Variants in CNOT2 observed in about 807,000 individuals in gnomAD.
CNOT2 encodes the protein CCR4-NOT transcription complex subunit 2.
CNOT2 carries 7 observed loss-of-function variants against 72.1 expected under a neutral mutation model. The ratio of observed to expected loss-of-function variants is 0.10; its 90% CI spans 0.06 to 0.18. The LOEUF (loss-of-function observed/expected upper bound fraction) is 0.18, where lower values mean the gene tolerates loss of function less well. Among genes scored for constraint, CNOT2 ranks in the 10% least tolerant of loss-of-function variants. The pLI is 1.00. For synonymous variants in CNOT2, 196 were observed against 225.6 expected (o/e 0.87, Z 1.17); for missense variants, 345 against 660.3 (o/e 0.52, Z 5.23).
intron 7 of CNOT2, 194 bp from the exon 8 acceptor site, chr12:70,335,244 T>C (rs1880517100): frequency 1.1e-5 from 5 of 461,720 alleles, no homozygotes; most frequent in Non-Finnish European, 2.0e-5. Flanking sequence ...ATTCCTTTGC[T>C]AAATTGTTCA....
intron 2 of CNOT2, among the ~76,000 whole-genome samples, chr12:70,284,763 GA>G (rs1472573491): frequency 1.3e-5 from 2 of 151,932 alleles, no homozygotes; most frequent in Non-Finnish European, 1.5e-5. Flanking sequence ...ATTATCATCT[GA>G]AATCATCAAA....
At chr12:70,319,154 A>T in intron 3 of CNOT2, 144 bp from the exon 4 acceptor site, 7 of 594,042 alleles carry the variant, frequency 1.2e-5, no homozygotes, top group Non-Finnish European at 2.0e-5. Context: ...GGAATATATT[A>T]TAGAATGTTT....
At chr12:70,312,120 ATAAT>A (rs1876569699) in intron 3 of CNOT2, among the ~76,000 whole-genome samples, 1 of 151,882 alleles carries the variant, frequency 6.6e-6, no homozygotes, top group Non-Finnish European at 1.5e-5. Flanking sequence ...GGCTTTGTTG[ATAAT>A]TAGTGTGTAG....
intron 4 of CNOT2, among the ~76,000 whole-genome samples, chr12:70,320,830 G>A (rs533505496): frequency 1.6e-4 from 24 of 151,788 alleles, no homozygotes; most frequent in African/African-American, 4.1e-4. Flanking sequence ...AAGGATAATG[G>A]CAATTACTAT....
rs146973142 is a variant in CNOT2, at chr12:70,287,329, CTTTA to C, written c.48+9063_48+9066del. 6.6e-3 allele frequency among the ~76,000 whole-genome samples: 989 copies of C among 149,532 alleles called. 36 individuals are homozygous for C. The highest frequency in any genetic ancestry group is 0.022 in the African/African-American group (909 of 41,222). On this transcript the variant is annotated intron_variant, in intron 2 of 15. Transcript: ENST00000229195. ...GTTTTACTAGGGGTCAAATTTTAGC[CTTTA>C]TTTATTTCTAAAATTTAATTTTGTT...
intron 1 of CNOT2, among the ~76,000 whole-genome samples, chr12:70,249,748 C>T (rs1958048668): frequency 6.6e-6 from 1 of 151,990 alleles, no homozygotes; most frequent in African/African-American, 2.4e-5. Flanking sequence ...AAATTAGAAA[C>T]ATTCACTGAG....
intron 2 of CNOT2, among the ~76,000 whole-genome samples, chr12:70,293,829 C>CACTGTCTT (rs1466261204): frequency 6.7e-6 from 1 of 150,014 alleles, no homozygotes; most frequent in Non-Finnish European, 1.5e-5. Context: ...TATTTGAACA[C>CACTGTCTT]ACTGTCTTAC....
intron 15 of CNOT2, among the ~76,000 whole-genome samples, chr12:70,350,655 G>A (rs775494431): frequency 1.6e-4 from 24 of 152,094 alleles, no homozygotes; most frequent in Admixed American, 2.0e-4. Context: ...CAAAATATTA[G>A]TAACATTGTA....
At chr12:70,277,358 T>C (rs1869013883) in intron 1 of CNOT2, among the ~76,000 whole-genome samples, 1 of 152,158 alleles carries the variant, frequency 6.6e-6, no homozygotes. Flanking sequence ...AGTGCTTTTT[T>C]TATTTTTATT....
At chr12:70,326,454 C>CTTTT (rs3837458) in intron 4 of CNOT2, among the ~76,000 whole-genome samples, 1 of 148,676 alleles carries the variant, frequency 6.7e-6, no homozygotes. Context: ...TCCCATTTTT[C>CTTTT]TTTTTTTTTC....
intron 1 of CNOT2, among the ~76,000 whole-genome samples, chr12:70,270,309 T>C (rs1409073869): frequency 6.6e-6 from 1 of 152,152 alleles, no homozygotes; most frequent in Non-Finnish European, 1.5e-5. Context: ...ACTTAGTTCT[T>C]AGATAAATAA....
At chr12:70,301,120 G>T (rs982545060) in intron 2 of CNOT2, among the ~76,000 whole-genome samples, 1 of 152,108 alleles carries the variant, frequency 6.6e-6, no homozygotes, top group African/African-American at 2.4e-5. Flanking sequence ...GAGATTTTGG[G>T]CTGAGATGCT....
chr12:70,330,219 ATTAT>A, intron 5 of CNOT2, 64 bp from the exon 6 acceptor site: 1 of 709,630 alleles, frequency 1.4e-6, no homozygotes. Flanking sequence ...GGACCAATTG[ATTAT>A]TTAAAGAGAA....
intron 2 of CNOT2, among the ~76,000 whole-genome samples, chr12:70,305,363 G>A (rs567584706): frequency 2.1e-3 from 315 of 152,252 alleles, no homozygotes; most frequent in Non-Finnish European, 3.1e-3. Flanking sequence ...GGAAATACCC[G>A]CCTTCATGAT....
At chr12:70,332,942 T>G in intron 7 of CNOT2, 96 bp downstream of exon 7, 2 of 1,376,860 alleles carry the variant, frequency 1.5e-6, no homozygotes, top group Non-Finnish European at 1.9e-6. Context: ...ACGGTAGGAT[T>G]TTTTATTATG....
intron 1 of CNOT2, among the ~76,000 whole-genome samples, chr12:70,276,509 A>G (rs192628372): frequency 4.9e-4 from 75 of 152,126 alleles, no homozygotes; most frequent in Non-Finnish European, 9.6e-4. Flanking sequence ...TAATATTAAA[A>G]CGGTTAATAT....
chr12:70,315,605 A>G (rs1405692563), intron 3 of CNOT2, among the ~76,000 whole-genome samples: 1 of 152,188 alleles, frequency 6.6e-6, no homozygotes, highest in Non-Finnish European at 1.5e-5. Flanking sequence ...ATATTAAAGG[A>G]TAAAGAAGTT....
chr12:70,273,793 A>T (rs1317664795), intron 1 of CNOT2, among the ~76,000 whole-genome samples: 2 of 152,092 alleles, frequency 1.3e-5, no homozygotes, highest in East Asian at 3.9e-4. Context: ...CTCTCTACTT[A>T]TAGTAAATTT....
chr12:70,330,488 C>T lies in CNOT2; in HGVS notation c.569+19C>T, dbSNP rs199779334. 1.1e-5 allele frequency: 17 copies of T among 1,582,520 alleles called. No individual in the cohort carries two copies. In the Admixed American group the frequency reaches 2.7e-4, roughly 25 times the overall value. ...TGAACAGGTAAGATGTTTATTGATA[C>T]TGTGTATAATTGTCTTTCTGGGTAT... On this transcript the variant is annotated intron_variant, in intron 6 of 15. Transcript: ENST00000229195.
Sources: allele counts gnomAD v4.1 joint callset (sites outside exome capture counted in the v4.1 genomes callset), GRCh38; gene constraint gnomAD v4.1.1; transcripts MANE v1.5; gene names NCBI Gene and HGNC (gene_info 2026-07-23, HGNC 2026-07-21).